The following PRRT1B variants were observed in gnomAD, a reference collection of about 807,000 sequenced individuals.
The protein encoded by PRRT1B is proline rich transmembrane protein 1B.
chr9:131,558,578 T>A (rs4740279), exon 4 of PRRT1B: 48,314 of 171,610 alleles, frequency 0.28, 9,661 homozygotes, highest in African/African-American at 0.56. Context: ...CAAAGCCTTC[T>A]CTGTCTTCAG....
exon 2 of PRRT1B, chr9:131,554,800 C>A (rs1187258860): frequency 7.2e-5 from 25 of 347,416 alleles, no homozygotes; most frequent in Non-Finnish European, 1.1e-4. Flanking sequence ...GTTTCCAAGG[C>A]GGCGGCCGGC....
exon 2 of PRRT1B, chr9:131,554,733 G>A (rs1951035953): frequency 3.0e-6 from 1 of 334,090 alleles, no homozygotes; most frequent in East Asian, 4.6e-5. Context: ...GGCCGCGGGG[G>A]GCAGCGAGCC....
intron 3 of PRRT1B, among the ~76,000 whole-genome samples, chr9:131,556,992 CATCT>C (rs763718104): frequency 4.3e-4 from 65 of 152,038 alleles, no homozygotes; most frequent in Non-Finnish European, 7.8e-4. Context: ...ATCTACCATC[CATCT>C]ACTATCCATC....
chr9:131,554,153 C>T (rs569075569), intron 1 of PRRT1B, among the ~76,000 whole-genome samples: 1 of 152,392 alleles, frequency 6.6e-6, no homozygotes, highest in East Asian at 1.9e-4. Flanking sequence ...AGCTCATCTC[C>T]TCAGGTAGGC....
intron 2 of PRRT1B, among the ~76,000 whole-genome samples, chr9:131,555,816 G>T (rs1324989548): frequency 6.6e-6 from 1 of 152,180 alleles, no homozygotes; most frequent in African/African-American, 2.4e-5. Flanking sequence ...CTGGACCCTC[G>T]ACTGAGCCAA....
At chr9:131,552,839 ATTTT>A (rs61662684) in intron 1 of PRRT1B, among the ~76,000 whole-genome samples, 28 of 133,824 alleles carry the variant, frequency 2.1e-4, no homozygotes, top group African/African-American at 5.5e-4. Flanking sequence ...CACCTGGTTA[ATTTT>A]TTTTTTTTTT....
exon 4 of PRRT1B, chr9:131,558,578 T>G: frequency 5.8e-6 from 1 of 171,654 alleles, no homozygotes; most frequent in East Asian, 1.5e-4. Flanking sequence ...CAAAGCCTTC[T>G]CTGTCTTCAG....
At position 131,547,065 on chromosome 9, in the gene PRRT1B, CT is replaced by C. The variant is rs549825970; in HGVS notation, c.25+1449del. Among the ~76,000 whole-genome samples the C allele has an allele frequency of 5.1e-3, 510 of 100,660 alleles. 1 individual carries two copies. Among genetic ancestry groups the C allele is most frequent in the African/African-American group, 0.022 (448 of 20,402 alleles). 66.0% of individuals were successfully genotyped at this position (100,660 alleles called of 152,430 possible). On this transcript the variant is annotated intron_variant, in intron 1 of 3. Transcript: ENST00000636672. ...AGAGCAGAGCCTGGCCTCCTGTTCGCTTTTTTTTTTTTTTTTTTTTTTTTGA... is the reference window on the plus strand; with the variant it reads ...AGAGCAGAGCCTGGCCTCCTGTTCGCTTTTTTTTTTTTTTTTTTTTTTTGA...
At chr9:131,548,720 T>C (rs1950991585) in intron 1 of PRRT1B, among the ~76,000 whole-genome samples, 1 of 152,070 alleles carries the variant, frequency 6.6e-6, no homozygotes, top group Non-Finnish European at 1.5e-5. Context: ...TCTCCCCTCC[T>C]CCCCAGGCTG....
At chr9:131,550,107 G>T (rs1052497088) in intron 1 of PRRT1B, among the ~76,000 whole-genome samples, 1 of 152,038 alleles carries the variant, frequency 6.6e-6, no homozygotes, top group Non-Finnish European at 1.5e-5. Flanking sequence ...GTTATCACTC[G>T]CCTGCTACAG....
intron 1 of PRRT1B, among the ~76,000 whole-genome samples, chr9:131,553,036 T>C (rs749766650): frequency 2.0e-5 from 3 of 152,112 alleles, no homozygotes; most frequent in Non-Finnish European, 4.4e-5. Flanking sequence ...TTGTTTGTCT[T>C]TCAGTGACCT....
At chr9:131,552,402 A>G (rs1951017788) in intron 1 of PRRT1B, among the ~76,000 whole-genome samples, 1 of 152,090 alleles carries the variant, frequency 6.6e-6, no homozygotes, top group African/African-American at 2.4e-5. Context: ...TTTTCCTTTG[A>G]GCATTGGTCA....
exon 2 of PRRT1B, chr9:131,554,685 C>A: frequency 2.7e-6 from 1 of 376,670 alleles, no homozygotes. Flanking sequence ...GCGCCGCCCG[C>A]GGACCCTGGA....
At chr9:131,548,213 C>T (rs888107894) in intron 1 of PRRT1B, among the ~76,000 whole-genome samples, 3 of 151,924 alleles carry the variant, frequency 2.0e-5, no homozygotes, top group African/African-American at 7.3e-5. Context: ...CAAGCATCCC[C>T]CACCCCTTCT....
At chr9:131,556,297 A>G (rs932948839) in intron 3 of PRRT1B, 84 bp downstream of exon 3, 20 of 399,312 alleles carry the variant, frequency 5.0e-5, no homozygotes, top group African/African-American at 3.9e-4. Flanking sequence ...CCCCTCTTCC[A>G]GCAACACGGT....
downstream of PRRT1B, among the ~76,000 whole-genome samples, chr9:131,559,251 T>C (rs1951069964): frequency 6.6e-6 from 1 of 152,174 alleles, no homozygotes; most frequent in Non-Finnish European, 1.5e-5. Flanking sequence ...AAGACCAACC[T>C]GGCCAACATG....
chr9:131,545,575 A>G (rs1400238381), exon 1 of PRRT1B: 6 of 397,530 alleles, frequency 1.5e-5, no homozygotes, highest in Non-Finnish European at 2.7e-5. Flanking sequence ...GCGCCGGGCC[A>G]GGGAGCCGCG....
At chr9:131,550,785 CT>C (rs757977080) in intron 1 of PRRT1B, among the ~76,000 whole-genome samples, 2 of 152,152 alleles carry the variant, frequency 1.3e-5, no homozygotes, top group Non-Finnish European at 2.9e-5. Context: ...TCAACTCCCT[CT>C]CTAATCTTTT....
At chr9:131,549,741 G>A (rs1040240537) in intron 1 of PRRT1B, among the ~76,000 whole-genome samples, 6 of 152,128 alleles carry the variant, frequency 3.9e-5, no homozygotes, top group African/African-American at 1.2e-4. Flanking sequence ...TGACAGCCAG[G>A]CTTCTAAACC....
Sources: allele counts gnomAD v4.1 joint callset (sites outside exome capture counted in the v4.1 genomes callset), GRCh38; gene constraint gnomAD v4.1.1; transcripts MANE v1.5; gene names NCBI Gene and HGNC (gene_info 2026-07-23, HGNC 2026-07-21).